Variants in PPP6R2 observed in about 807,000 individuals in gnomAD.
The protein encoded by PPP6R2 is serine/threonine-protein phosphatase 6 regulatory subunit 2.
In PPP6R2, 62 loss-of-function variants were observed where a neutral mutation model predicts 100.2. The ratio of observed to expected loss-of-function variants is 0.62; its 90% CI spans 0.50 to 0.76. The LOEUF is 0.76. PPP6R2 is among the 30% of genes least tolerant of loss of function. The pLI is 0.00. For synonymous variants in PPP6R2, 525 were observed against 514.7 expected (o/e 1.02, Z -0.27); for missense variants, 1,142 against 1,276.3 (o/e 0.89, Z 1.60).
chr22:50,340,318 GTGTGGTGTGTGTAGGGTGTGTA>G (rs2042358190), upstream of PPP6R2, among the ~76,000 whole-genome samples: 1 of 134,190 alleles, frequency 7.5e-6, no homozygotes, highest in Non-Finnish European at 1.6e-5. Flanking sequence ...TCTCGGGTGT[GTGTGGTGTGTGTAGGGTGTGTA>G]TGTGGTGTGT....
chr22:50,395,391 A>C (rs1232086761), intron 3 of PPP6R2, among the ~76,000 whole-genome samples: 1 of 152,040 alleles, frequency 6.6e-6, no homozygotes, highest in African/African-American at 2.4e-5. Context: ...AACAGGGCGG[A>C]GCTGGCCTCC....
chr22:50,338,843 T>TAC (rs1569218507), upstream of PPP6R2, among the ~76,000 whole-genome samples: 1 of 121,010 alleles, frequency 8.3e-6, no homozygotes, highest in South Asian at 2.9e-4. Context: ...GGTGTGTGTG[T>TAC]GGTGTGTGGT....
Position 50,436,275 on chromosome 22 carries a change from C to T in PPP6R2, c.1517-92C>T, listed in dbSNP as rs539236503. The T allele has an allele frequency of 6.7e-5, 78 of 1,156,156 alleles. No homozygotes were observed. The Admixed American group carries it at 8.9e-4, about 13-fold the overall frequency. The allele number at this position is 1,156,156 out of a possible 1,614,324, so 71.6% of individuals were successfully genotyped here. On this transcript the variant is annotated intron_variant, in intron 13 of 23. Transcript: ENST00000612753. ...CCACAGTAGCAGCGCCCCATCCTCCCGGACCCAGGATGCACCTGCCGGAGC... is the reference window on the plus strand; with the variant it reads ...CCACAGTAGCAGCGCCCCATCCTCCTGGACCCAGGATGCACCTGCCGGAGC...
the PPP6R2 span, among the ~76,000 whole-genome samples, chr22:50,334,316 G>T: frequency 6.6e-6 from 1 of 152,236 alleles, no homozygotes; most frequent in Non-Finnish European, 1.5e-5. Context: ...GGCCCTGTCC[G>T]GGCGTGACAG....
At chr22:50,349,363 CAA>C (rs1225878624) in intron 1 of PPP6R2, among the ~76,000 whole-genome samples, 221 of 56,328 alleles carry the variant, frequency 3.9e-3, no homozygotes, top group African/African-American at 0.013. Context: ...GACCCTGTCT[CAA>C]AAAAAAAAAA....
chr22:50,365,776 C>T (rs2048656313), intron 1 of PPP6R2, among the ~76,000 whole-genome samples: 1 of 151,630 alleles, frequency 6.6e-6, no homozygotes, highest in Non-Finnish European at 1.5e-5. Flanking sequence ...GTCACTCAGG[C>T]TGGATTGCAG....
At chr22:50,368,524 G>A (rs2049252775) in intron 1 of PPP6R2, among the ~76,000 whole-genome samples, 1 of 152,198 alleles carries the variant, frequency 6.6e-6, no homozygotes, top group African/African-American at 2.4e-5. Flanking sequence ...TTGGAATAAA[G>A]AGTAATGCTA....
intron 1 of PPP6R2, among the ~76,000 whole-genome samples, chr22:50,371,268 A>C (rs1602506494): frequency 6.6e-6 from 1 of 152,094 alleles, no homozygotes; most frequent in African/African-American, 2.4e-5. Flanking sequence ...TGGCAGGAGG[A>C]TCACTTGAGG....
chr22:50,424,380 G>A (rs113183856), intron 10 of PPP6R2, among the ~76,000 whole-genome samples: 7 of 151,432 alleles, frequency 4.6e-5, no homozygotes, highest in Admixed American at 6.6e-5. Flanking sequence ...TGGAAGGTCC[G>A]TCCGCGTGTG....
intron 9 of PPP6R2, among the ~76,000 whole-genome samples, chr22:50,422,981 T>C (rs2061534408): frequency 1.3e-5 from 2 of 151,902 alleles, no homozygotes; most frequent in Admixed American, 1.3e-4. Flanking sequence ...GTAGGCTGAG[T>C]GTGGGGGATC....
At chr22:50,360,056 C>CTT (rs112866506) in intron 1 of PPP6R2, among the ~76,000 whole-genome samples, 10 of 137,974 alleles carry the variant, frequency 7.2e-5, no homozygotes, top group East Asian at 6.2e-4. Context: ...CCTTTCAGCA[C>CTT]TTTTTTTTTT....
chr22:50,377,772 G>T (rs1406974183), intron 2 of PPP6R2, among the ~76,000 whole-genome samples: 3 of 152,224 alleles, frequency 2.0e-5, no homozygotes, highest in Non-Finnish European at 4.4e-5. Context: ...ACTTTGGGAG[G>T]CTGAGGCGGG....
intron 10 of PPP6R2, among the ~76,000 whole-genome samples, chr22:50,424,153 C>T (rs1193054449): frequency 6.6e-6 from 1 of 152,212 alleles, no homozygotes; most frequent in Non-Finnish European, 1.5e-5. Context: ...GGGTGGCGGG[C>T]TCCTCTGCGG....
At chr22:50,412,006 C>T (rs547985189) in intron 4 of PPP6R2, among the ~76,000 whole-genome samples, 41 of 152,060 alleles carry the variant, frequency 2.7e-4, no homozygotes, top group African/African-American at 9.9e-4. Flanking sequence ...GATTGCGCCA[C>T]TGCACTCCAG....
At chr22:50,335,224 T>C in the PPP6R2 span, among the ~76,000 whole-genome samples, 1 of 146,662 alleles carries the variant, frequency 6.8e-6, no homozygotes, top group South Asian at 2.2e-4. Context: ...GCTAATTTTT[T>C]TTTTTTTTTT....
At chr22:50,435,104 C>T (rs759851805) in intron 13 of PPP6R2, 23 bp downstream of exon 13, 1 of 1,498,714 alleles carries the variant, frequency 6.7e-7, no homozygotes, top group Non-Finnish European at 8.9e-7. Flanking sequence ...CCCGGTCATC[C>T]TTCTGCTGGT....
chr22:50,412,316 CGA>C (rs908558062), intron 4 of PPP6R2, among the ~76,000 whole-genome samples: 29 of 151,424 alleles, frequency 1.9e-4, no homozygotes, highest in South Asian at 1.5e-3. Flanking sequence ...CTCAACATTC[CGA>C]GTAGCTGGGA....
chr22:50,418,807 G>C (rs964591843), intron 6 of PPP6R2, 60 bp from the exon 7 acceptor site: 2 of 1,366,544 alleles, frequency 1.5e-6, no homozygotes, highest in East Asian at 2.3e-5. Flanking sequence ...TGCCCAGCAG[G>C]GCTGGTCCTG....
intron 4 of PPP6R2, among the ~76,000 whole-genome samples, chr22:50,410,611 C>T (rs543712881): frequency 5.0e-4 from 75 of 149,920 alleles, no homozygotes; most frequent in Non-Finnish European, 7.8e-4. Flanking sequence ...CTCAGCCTCC[C>T]GTCTGGGGGA....
Sources: allele counts gnomAD v4.1 joint callset (sites outside exome capture counted in the v4.1 genomes callset), GRCh38; gene constraint gnomAD v4.1.1; transcripts MANE v1.5; gene names NCBI Gene and HGNC (gene_info 2026-07-23, HGNC 2026-07-21).